Variants in DUOX1 observed in about 807,000 individuals in gnomAD.
The protein encoded by DUOX1 is dual oxidase 1, also known as NADPH thyroid oxidase 1.
In DUOX1, 134 loss-of-function variants were observed where a neutral mutation model predicts 181.8. That is an observed-to-expected ratio of 0.74 (90% CI 0.64 to 0.85). DUOX1 has a LOEUF of 0.85. Ranked by LOEUF, DUOX1 falls within the 40% of genes least tolerant of loss-of-function variation. The probability of loss-of-function intolerance (pLI) is 0.00; values close to 1 mark genes in which losing one functional copy is unlikely to be tolerated. For synonymous variants in DUOX1, 798 were observed against 832.5 expected (o/e 0.96, Z 0.71); for missense variants, 1,814 against 2,064.4 (o/e 0.88, Z 2.35).
chr15:45,154,751 T>G (rs1196512604), intron 27 of DUOX1, among the ~76,000 whole-genome samples: 1 of 152,126 alleles, frequency 6.6e-6, no homozygotes, highest in African/African-American at 2.4e-5. Flanking sequence ...TCTTAACCTT[T>G]ACTTTTTTAT....
chr15:45,140,823 C>T (rs889590818), intron 12 of DUOX1, 72 bp from the exon 13 acceptor site: 21 of 1,503,154 alleles, frequency 1.4e-5, no homozygotes, highest in Non-Finnish European at 1.9e-5. Flanking sequence ...GGGCTAATCC[C>T]TGGGAGCCAC....
rs745885866 is a variant in DUOX1, at chr15:45,137,917, A to AT, written c.1023-4dup. On this transcript the variant is annotated splice_region_variant and splice_polypyrimidine_tract_variant and intron_variant, in intron 9 of 33. Coordinates refer to ENST00000389037, the MANE Select transcript of DUOX1 (RefSeq NM_175940.3). ...CAATCACCATCTCCCTGCTCCTTGC[A>AT]TTTCAGAAATGCCAGCTGCCACTTC... 4.4e-6 allele frequency: 7 copies of AT among 1,599,968 alleles called. No individual in the cohort carries two copies. The South Asian group carries it at 7.9e-5, about 18-fold the overall frequency.
At chr15:45,141,216 T>G in intron 13 of DUOX1, 76 bp from the exon 14 acceptor site, 1 of 1,579,984 alleles carries the variant, frequency 6.3e-7, no homozygotes, top group Non-Finnish European at 8.7e-7. Context: ...TTTTCTCACC[T>G]GGGTCCTTGG....
chr15:45,162,885 T>C (rs1897143139), intron 31 of DUOX1, among the ~76,000 whole-genome samples: 1 of 152,120 alleles, frequency 6.6e-6, no homozygotes, highest in Non-Finnish European at 1.5e-5. Context: ...CACGGGTCCT[T>C]TCACACCAGC....
intron 16 of DUOX1, among the ~76,000 whole-genome samples, chr15:45,143,669 C>T (rs1896567066): frequency 6.6e-6 from 1 of 152,116 alleles, no homozygotes; most frequent in Admixed American, 6.5e-5. Flanking sequence ...CTTGGTTCCA[C>T]CACCACTATG....
intron 13 of DUOX1, 66 bp from the exon 14 acceptor site, chr15:45,141,226 G>A (rs2141265400): frequency 6.3e-7 from 1 of 1,590,808 alleles, no homozygotes; most frequent in Non-Finnish European, 8.6e-7. Context: ...TGGGTCCTTG[G>A]GCCTGGGGTT....
rs1164327882 is a variant in DUOX1, at chr15:45,136,581, T to G, written c.978T>G (p.Ser326=). 1 of 1,614,190 alleles carries G rather than the reference T, an allele frequency of 6.2e-7. No individual in the cohort carries two copies. Among genetic ancestry groups the G allele is most frequent in the East Asian group, 2.2e-5 (1 of 44,882 alleles). ...PSISSEFVAA[S]EQFLSTMVPP... ...TCTCCTCAGAGTTCGTGGCGGCCTC[T>G]GAGCAGTTCCTGTCCACCATGGTGC... The change falls in exon 9 of 34, where the codon TCT becomes TCG. Residue 326 remains serine, a synonymous_variant. Coordinates refer to ENST00000389037, the MANE Select transcript of DUOX1 (RefSeq NM_175940.3).
chr15:45,141,505 C>A, intron 14 of DUOX1, 95 bp downstream of exon 14: 1 of 1,349,530 alleles, frequency 7.4e-7, no homozygotes, highest in Non-Finnish European at 1.1e-6. Context: ...ACGTCAATCT[C>A]TGTGCTCCAA....
At chr15:45,154,836 G>A (rs1413081949) in intron 27 of DUOX1, among the ~76,000 whole-genome samples, 3 of 152,082 alleles carry the variant, frequency 2.0e-5, no homozygotes, top group Non-Finnish European at 2.9e-5. Context: ...TGTCCTCTCT[G>A]CCCTGCCCTG....
chr15:45,136,733 C>T, intron 9 of DUOX1, 108 bp downstream of exon 9: 1 of 1,014,672 alleles, frequency 9.9e-7, no homozygotes, highest in Non-Finnish European at 1.5e-6. Context: ...TGAAGTGTCC[C>T]CAAGGGAAAG....
chr15:45,161,648 C>A, intron 29 of DUOX1, 90 bp from the exon 30 acceptor site: 3 of 1,160,776 alleles, frequency 2.6e-6, no homozygotes, highest in Non-Finnish European at 3.8e-6. Flanking sequence ...ATTCCAGAAG[C>A]AGAGCTGAGG....
intron 28 of DUOX1, 95 bp from the exon 29 acceptor site, chr15:45,160,742 C>T: frequency 7.3e-7 from 1 of 1,360,670 alleles, no homozygotes; most frequent in South Asian, 1.7e-5. Flanking sequence ...GCTGGATATA[C>T]CAGCGGGGAA....
At position 45,152,322 on chromosome 15, in the gene DUOX1, A is replaced by T. The variant is rs746498770; in HGVS notation, c.3230A>T (p.Asp1077Val). The change falls in exon 25 of 34, where the codon GAC (aspartate) becomes GTC (valine). Residue 1077 changes from aspartate (D) to valine (V), a missense_variant. Asp to Val is a radical substitution (Grantham distance 152). Transcript: ENST00000389037. ...GCCGCACATCACACGGGCATCACAG[A>T]CACCACCCGCGTGGGAATCATCCTG... ...AFAAHHTGITDTTRVGIILSR... is the reference protein window; with the variant it reads ...AFAAHHTGITVTTRVGIILSR... 6.2e-7 allele frequency: 1 copy of T among 1,614,122 alleles called. No homozygotes were observed. The highest frequency in any genetic ancestry group is 1.1e-5 in the South Asian group (1 of 91,078).
intron 4 of DUOX1, 94 bp downstream of exon 4, chr15:45,134,403 G>A (rs1896232819): frequency 1.5e-6 from 2 of 1,366,466 alleles, no homozygotes; most frequent in Admixed American, 2.4e-5. Flanking sequence ...AGAAGTGATG[G>A]AAGGCCTAAG....
intron 33 of DUOX1, among the ~76,000 whole-genome samples, chr15:45,164,256 T>A (rs987854983): frequency 1.3e-5 from 2 of 152,176 alleles, no homozygotes; most frequent in Non-Finnish European, 2.9e-5. Context: ...TGAGGGAACC[T>A]TTACCATGAG....
rs1896174414 is a variant in DUOX1 at position 45,132,142 on chromosome 15, C to T, written c.58+118C>T. The T allele has an allele frequency of 4.6e-6, 4 of 867,968 alleles. No homozygotes were observed. In the Admixed American group the frequency reaches 8.0e-5, roughly 17 times the overall value. 53.8% of individuals were successfully genotyped at this position (867,968 alleles called of 1,614,324 possible). A position where few individuals can be genotyped will look rare whatever the true frequency, so the allele number is the denominator to read the frequency against. On this transcript the variant is annotated intron_variant, in intron 2 of 33. Transcript: ENST00000389037. The stretch of plus-strand genomic sequence containing the variant: ...CTGTATCTTTAGTCTCTAGCTGACA[C>T]AGTGCCCTGCACATGAGAGTTGCTC...
chr15:45,153,293 C>T lies in DUOX1; in HGVS notation c.3425-87C>T, dbSNP rs985494344. ...AAGGTACTTCTCTGGGACCCCCACT[C>T]TGGCCAGGGTCCTCGATCTTGGGCT... is the stretch of plus-strand genomic sequence containing the variant. On this transcript the variant is annotated intron_variant, in intron 25 of 33. Coordinates refer to ENST00000389037, the MANE Select transcript of DUOX1 (RefSeq NM_175940.3). The T allele has an allele frequency of 1.4e-5, 13 of 935,896 alleles. No homozygotes were observed. The East Asian group carries it at 2.9e-4, about 21-fold the overall frequency. The allele number at this position is 935,896 out of a possible 1,614,324, so 58.0% of individuals were successfully genotyped here. A position where few individuals can be genotyped will look rare whatever the true frequency, so the allele number is the denominator to read the frequency against.
intron 28 of DUOX1, among the ~76,000 whole-genome samples, chr15:45,156,429 G>T (rs761438327): frequency 5.3e-5 from 8 of 152,092 alleles, no homozygotes; most frequent in Non-Finnish European, 1.0e-4. Flanking sequence ...TTGATCTAAT[G>T]AATTTTTATT....
intron 33 of DUOX1, 119 bp downstream of exon 33, chr15:45,164,037 G>C (rs992250028): frequency 7.0e-7 from 1 of 1,437,736 alleles, no homozygotes; most frequent in Non-Finnish European, 9.5e-7. Context: ...TCCCCTGGGA[G>C]ATTGGTGGGG....
Sources: allele counts gnomAD v4.1 joint callset (sites outside exome capture counted in the v4.1 genomes callset), GRCh38; gene constraint gnomAD v4.1.1; transcripts MANE v1.5; gene names NCBI Gene and HGNC (gene_info 2026-07-23, HGNC 2026-07-21).